The following PTPRD variants were observed in gnomAD, a reference collection of about 807,000 sequenced individuals.
PTPRD encodes the protein protein tyrosine phosphatase receptor type D, also known as receptor-type tyrosine-protein phosphatase delta.
Under a neutral mutation model 214.5 loss-of-function variants are expected in PTPRD, and 34 were observed. That is an observed-to-expected ratio of 0.16 (90% CI 0.12 to 0.21). The LOEUF is 0.21. PTPRD is among the 10% of genes least tolerant of loss of function. PTPRD has a pLI of 1.00. For missense variants in PTPRD, 2,545 were observed against 2,398.7 expected (o/e 1.06, Z -1.27); for synonymous variants, 1,128 against 845.7 (o/e 1.33, Z -5.79).
intron 4 of PTPRD, among the ~76,000 whole-genome samples, chr9:9,980,606 G>C (rs144367896): frequency 0.023 from 1,218 of 52,932 alleles, 50 homozygotes; most frequent in African/African-American, 0.082. Context: ...GAGACACCTT[G>C]TCAAAAAAAA....
chr9:10,411,413 T>C (rs1184819303), intron 2 of PTPRD, among the ~76,000 whole-genome samples: 2 of 151,798 alleles, frequency 1.3e-5, no homozygotes, highest in Admixed American at 6.6e-5. Flanking sequence ...TTATCAATAA[T>C]GTATAACTGA....
chr9:9,845,299 G>C (rs139169691), intron 5 of PTPRD, among the ~76,000 whole-genome samples: 2 of 145,006 alleles, frequency 1.4e-5, no homozygotes, highest in East Asian at 2.0e-4. Context: ...AGAGAGAAAG[G>C]GATATATTAC....
intron 6 of PTPRD, among the ~76,000 whole-genome samples, chr9:9,753,359 G>C (rs1433854476): frequency 1.3e-5 from 2 of 151,930 alleles, no homozygotes; most frequent in Non-Finnish European, 2.9e-5. Context: ...GTGAATTATA[G>C]CTGGACCCGC....
chr9:10,128,103 T>G (rs1282291941), intron 3 of PTPRD, among the ~76,000 whole-genome samples: 2 of 152,128 alleles, frequency 1.3e-5, no homozygotes, highest in Non-Finnish European at 2.9e-5. Context: ...GTTCTTCCCT[T>G]TCTGGCCCCA....
At chr9:8,913,392 T>G (rs1475329716) in intron 11 of PTPRD, among the ~76,000 whole-genome samples, 1 of 152,024 alleles carries the variant, frequency 6.6e-6, no homozygotes, top group Non-Finnish European at 1.5e-5. Flanking sequence ...CACAAACATA[T>G]CAAAGGTAAA....
chr9:9,743,206 T>G (rs1185995343), intron 6 of PTPRD, among the ~76,000 whole-genome samples: 2 of 152,092 alleles, frequency 1.3e-5, no homozygotes. Flanking sequence ...ATAAAACAAT[T>G]TTATATAAAT....
intron 2 of PTPRD, among the ~76,000 whole-genome samples, chr9:10,425,532 T>C (rs1321049569): frequency 1.3e-5 from 2 of 151,972 alleles, no homozygotes; most frequent in African/African-American, 4.8e-5. Flanking sequence ...GGCTCCCTTA[T>C]AAAGGTTTTT....
At chr9:10,153,774 CATGTGGT>C (rs1159897273) in intron 3 of PTPRD, among the ~76,000 whole-genome samples, 10 of 152,008 alleles carry the variant, frequency 6.6e-5, no homozygotes, top group Non-Finnish European at 1.3e-4. Flanking sequence ...TAAATTAGAA[CATGTGGT>C]ATTTGGTTTT....
chr9:9,287,022 C>T (rs1949695343), intron 9 of PTPRD, among the ~76,000 whole-genome samples: 1 of 147,738 alleles, frequency 6.8e-6, no homozygotes, highest in Non-Finnish European at 1.5e-5. Flanking sequence ...GTCAGGAGTT[C>T]AAGACAAGCC....
intron 14 of PTPRD, among the ~76,000 whole-genome samples, chr9:8,540,819 TAA>T (rs1396335669): frequency 6.6e-6 from 1 of 152,090 alleles, no homozygotes; most frequent in Non-Finnish European, 1.5e-5. Context: ...AGGAACAAAA[TAA>T]AGTGACTCAG....
chr9:10,423,253 A>C (rs2098566167), intron 2 of PTPRD, among the ~76,000 whole-genome samples: 1 of 152,098 alleles, frequency 6.6e-6, no homozygotes, highest in East Asian at 1.9e-4. Flanking sequence ...GGAATTGAAC[A>C]ATGAGAACAC....
chr9:9,381,683 T>TTG (rs2062305123), intron 9 of PTPRD, among the ~76,000 whole-genome samples: 1 of 148,016 alleles, frequency 6.8e-6, no homozygotes, highest in African/African-American at 2.5e-5. Context: ...TTTGTTTTTT[T>TTG]TTGTTGTTTT....
At chr9:9,071,365 A>G (rs569529231) in intron 10 of PTPRD, among the ~76,000 whole-genome samples, 1 of 152,312 alleles carries the variant, frequency 6.6e-6, no homozygotes, top group East Asian at 1.9e-4. Flanking sequence ...TGAGTTAGTC[A>G]AGAGGGAAAT....
chr9:9,709,349 T>A (rs1272830791), intron 7 of PTPRD, among the ~76,000 whole-genome samples: 1 of 152,004 alleles, frequency 6.6e-6, no homozygotes, highest in Non-Finnish European at 1.5e-5. Context: ...TTCTCAATAA[T>A]CTCTTAAAAC....
rs182839494 is a variant in PTPRD, at chr9:8,650,268, G to A, written c.65-13424C>T. Among the ~76,000 whole-genome samples, 816 of 151,940 alleles carry A rather than the reference G, an allele frequency of 5.4e-3. 15 individuals carry two copies. Among genetic ancestry groups the A allele is most frequent in the African/African-American group, 0.019 (788 of 41,498 alleles). On this transcript the variant is annotated intron_variant, in intron 12 of 45. Coordinates refer to ENST00000381196, the MANE Select transcript of PTPRD (RefSeq NM_002839.4). ...TATGTGGACGGGCACGGTGGCTCAC[G>A]CCTGTAATCCCAGCACTTTGGGAGG...
At chr9:9,642,684 G>C (rs945446205) in intron 7 of PTPRD, among the ~76,000 whole-genome samples, 2 of 152,182 alleles carry the variant, frequency 1.3e-5, no homozygotes, top group Non-Finnish European at 2.9e-5. Context: ...ACTCAGATAT[G>C]TGTTGGTTCT....
At chr9:8,681,880 T>G (rs534284960) in intron 12 of PTPRD, among the ~76,000 whole-genome samples, 1 of 152,328 alleles carries the variant, frequency 6.6e-6, no homozygotes, top group Admixed American at 6.5e-5. Flanking sequence ...ACTGTTTTCA[T>G]TATTACATTC....
intron 5 of PTPRD, among the ~76,000 whole-genome samples, chr9:9,771,661 A>G (rs1369658914): frequency 2.0e-5 from 3 of 152,210 alleles, no homozygotes; most frequent in African/African-American, 4.8e-5. Context: ...TAAATTCCCT[A>G]CTGACATACA....
intron 11 of PTPRD, among the ~76,000 whole-genome samples, chr9:8,760,178 A>C (rs1337007529): frequency 2.6e-5 from 4 of 152,130 alleles, no homozygotes; most frequent in Non-Finnish European, 4.4e-5. Context: ...TGATCCACCC[A>C]CTTCGGCCTC....
Sources: gnomAD v4.1 joint callset for allele counts (sites outside exome capture counted in the v4.1 genomes callset) on GRCh38, gnomAD v4.1.1 for gene constraint, MANE v1.5 for transcripts, NCBI Gene and HGNC (gene_info 2026-07-23, HGNC 2026-07-21) for gene names.